Variants in GTF2A1L observed in about 807,000 individuals in gnomAD.
The protein encoded by GTF2A1L is general transcription factor IIA subunit 1 like.
A neutral mutation model predicts 49.7 loss-of-function variants in GTF2A1L; 48 were observed. The ratio of observed to expected loss-of-function variants is 0.97; its 90% CI spans 0.77 to 1.23. The LOEUF (loss-of-function observed/expected upper bound fraction) is 1.23, where lower values mean the gene tolerates loss of function less well. Ranked by LOEUF, GTF2A1L falls within the 50% of genes most tolerant of loss-of-function variation. GTF2A1L has a pLI of 0.00. For synonymous variants in GTF2A1L, 246 were observed against 193.5 expected (o/e 1.27, Z -2.25); for missense variants, 736 against 564.8 (o/e 1.30, Z -3.07).
chr2:48,669,816 A>G lies in GTF2A1L; in HGVS notation c.1073A>G (p.Asn358Ser), dbSNP rs375208707. The G allele has an allele frequency of 9.5e-5, 154 of 1,613,984 alleles. 1 individual carries two copies. The highest frequency in any genetic ancestry group is 1.5e-4 in the South Asian group (14 of 91,086). ...QVDGSGDTSS[N>S]EEIGSTRDAD... Reference sequence around the variant, plus strand: ...GATGGAAGCGGTGATACATCTTCCAATGAAGAAATAGGAAGTACAAGAGAT... The same window carrying G: ...GATGGAAGCGGTGATACATCTTCCAGTGAAGAAATAGGAAGTACAAGAGAT... The change falls in exon 7 of 9, where the codon AAT (asparagine) becomes AGT (serine). Residue 358 changes from asparagine (N) to serine (S), a missense_variant. Asn to Ser is a conservative substitution (Grantham distance 46). Coordinates refer to ENST00000403751, the MANE Select transcript of GTF2A1L (RefSeq NM_006872.5).
At chr2:48,656,608 T>C (rs1010843534) in intron 6 of GTF2A1L, among the ~76,000 whole-genome samples, 3 of 152,114 alleles carry the variant, frequency 2.0e-5, no homozygotes, top group African/African-American at 7.2e-5. Flanking sequence ...TCTTATCAGA[T>C]GTATGATTTG....
rs952052953 is a variant in GTF2A1L, at chr2:48,679,498, T to C, written c.*56T>C. On this transcript the variant is annotated 3_prime_UTR_variant, in exon 9 of 9. Coordinates refer to ENST00000403751, the MANE Select transcript of GTF2A1L (RefSeq NM_006872.5). The stretch of plus-strand genomic sequence containing the variant: ...AACATCAGTTGGATTATATTGCATA[T>C]TGTGAATTCATTTTTATTTTGAATA... 15 of 1,595,370 alleles carry C rather than the reference T, an allele frequency of 9.4e-6. No homozygotes were observed. Among genetic ancestry groups the C allele is most frequent in the Non-Finnish European group, 1.2e-5 (14 of 1,174,210 alleles).
intron 8 of GTF2A1L, among the ~76,000 whole-genome samples, chr2:48,672,231 C>G (rs1417030315): frequency 6.6e-6 from 1 of 152,086 alleles, no homozygotes. Flanking sequence ...CAATAAAAAG[C>G]AGAGAAATGA....
chr2:48,625,686 G>A (rs1676253141), intron 3 of GTF2A1L, among the ~76,000 whole-genome samples: 1 of 142,712 alleles, frequency 7.0e-6, no homozygotes. Flanking sequence ...AGGGTCAATT[G>A]ATCCTCTCAC....
chr2:48,655,609 T>A (rs34473191), intron 6 of GTF2A1L, among the ~76,000 whole-genome samples: 20,642 of 152,216 alleles, frequency 0.14, 1,647 homozygotes, highest in African/African-American at 0.23. Context: ...AGTACTTTGA[T>A]CAGTTTTGCC....
chr2:48,641,364 C>T (rs937589519), intron 3 of GTF2A1L, among the ~76,000 whole-genome samples: 2 of 152,160 alleles, frequency 1.3e-5, no homozygotes, highest in East Asian at 3.9e-4. Flanking sequence ...GTTGTCTTAA[C>T]GTGGAAGGAA....
intron 8 of GTF2A1L, among the ~76,000 whole-genome samples, chr2:48,672,067 G>C (rs1558774132): frequency 6.6e-6 from 1 of 152,218 alleles, no homozygotes; most frequent in Non-Finnish European, 1.5e-5. Flanking sequence ...ATGCAGCACA[G>C]ATAGTAAGCC....
intron 1 of GTF2A1L, among the ~76,000 whole-genome samples, chr2:48,619,685 G>T (rs17037467): frequency 1.3e-5 from 2 of 152,018 alleles, no homozygotes; most frequent in African/African-American, 4.8e-5. Flanking sequence ...GTTTCTTGCC[G>T]GTGGAACTTC....
chr2:48,671,717 C>G (rs1679180357), intron 8 of GTF2A1L, 37 bp downstream of exon 8: 1 of 1,563,528 alleles, frequency 6.4e-7, no homozygotes, highest in Non-Finnish European at 8.7e-7. Flanking sequence ...GGTTTATTAA[C>G]TGCATTTATA....
intron 8 of GTF2A1L, among the ~76,000 whole-genome samples, chr2:48,675,076 T>A (rs1679392525): frequency 6.6e-6 from 1 of 152,184 alleles, no homozygotes; most frequent in African/African-American, 2.4e-5. Flanking sequence ...TGCTGGTCAC[T>A]GGTTGATTTG....
At chr2:48,620,790 TAAA>T (rs1675945567) in intron 1 of GTF2A1L, 58 bp from the exon 2 acceptor site, 1 of 869,478 alleles carries the variant, frequency 1.2e-6, no homozygotes, top group Non-Finnish European at 1.5e-6. Context: ...AATAAATAAA[TAAA>T]TAAATAAATA....
rs1047215315 is a variant in GTF2A1L at position 48,671,509 on chromosome 2, C to G, written c.1240-82C>G. ...ATGAGCCACCACGCCGAGACAAGTT[C>G]CTTTATTTCTATATGTCTCTTTATC... On this transcript the variant is annotated intron_variant, in intron 7 of 8. Transcript: ENST00000403751. 1.3e-4 allele frequency: 189 copies of G among 1,427,616 alleles called. No homozygotes were observed. In the Admixed American group the frequency reaches 3.7e-3, roughly 28 times the overall value. The allele number at this position is 1,427,616 out of a possible 1,614,324, so 88.4% of individuals were successfully genotyped here. A position where few individuals can be genotyped will look rare whatever the true frequency, so the allele number is the denominator to read the frequency against.
chr2:48,671,437 C>G (rs188818888), intron 7 of GTF2A1L, among the ~76,000 whole-genome samples, 154 bp from the exon 8 acceptor site: 5 of 152,254 alleles, frequency 3.3e-5, no homozygotes, highest in South Asian at 4.1e-4. Context: ...CTCCTGGCCT[C>G]AAGCAATCTG....
chr2:48,627,040 T>C (rs1433236231), intron 3 of GTF2A1L, among the ~76,000 whole-genome samples: 1 of 143,700 alleles, frequency 7.0e-6, no homozygotes, highest in Non-Finnish European at 1.6e-5. Context: ...AATTCAGCCA[T>C]GAAGCCATCT....
chr2:48,659,844 A>G (rs1440144686), intron 6 of GTF2A1L, among the ~76,000 whole-genome samples: 1 of 151,898 alleles, frequency 6.6e-6, no homozygotes, highest in Non-Finnish European at 1.5e-5. Context: ...GAATTTATTT[A>G]TTTTTCCTAA....
At chr2:48,628,314 G>C (rs1333812933) in intron 3 of GTF2A1L, among the ~76,000 whole-genome samples, 1 of 144,318 alleles carries the variant, frequency 6.9e-6, no homozygotes, top group Non-Finnish European at 1.6e-5. Flanking sequence ...GTTGTCCACA[G>C]TGGCTGAACT....
chr2:48,625,702 C>T lies in GTF2A1L; in HGVS notation c.247+4412C>T, dbSNP rs1676254423. Reference sequence around the variant, plus strand: ...GGGTCAATTGATCCTCTCACCTCGACTTCATGAGTAACTGGGACTACAGGC... The same window carrying T: ...GGGTCAATTGATCCTCTCACCTCGATTTCATGAGTAACTGGGACTACAGGC... On this transcript the variant is annotated intron_variant, in intron 3 of 8. Transcript: ENST00000403751. Among the ~76,000 whole-genome samples the T allele has an allele frequency of 1.4e-5, 2 of 143,026 alleles. 1 individual carries two copies. The highest frequency in any genetic ancestry group is 5.0e-5 in the African/African-American group (2 of 40,190). The allele number at this position is 143,026 out of a possible 152,430, so 93.8% of individuals were successfully genotyped here.
chr2:48,652,754 G>T (rs1443218118), intron 6 of GTF2A1L, among the ~76,000 whole-genome samples: 1 of 150,828 alleles, frequency 6.6e-6, no homozygotes, highest in Non-Finnish European at 1.5e-5. Context: ...GAGTGCAGTG[G>T]TGTGATCTCG....
chr2:48,631,005 G>C lies in GTF2A1L; in HGVS notation c.247+9715G>C, dbSNP rs374733835. Among the ~76,000 whole-genome samples, 7 of 152,228 alleles carry C rather than the reference G, an allele frequency of 4.6e-5. No homozygotes were observed. The South Asian group carries it at 6.2e-4, about 14-fold the overall frequency. On this transcript the variant is annotated intron_variant, in intron 3 of 8. Transcript: ENST00000403751. ...GTGGTGAGTTAACTTTTGATGAGCT[G>C]CTGGGTTCAGTTTGCTAGTATTTTG... is the stretch of plus-strand genomic sequence containing the variant.
Sources: gnomAD v4.1 joint callset for allele counts (sites outside exome capture counted in the v4.1 genomes callset) on GRCh38, gnomAD v4.1.1 for gene constraint, MANE v1.5 for transcripts, NCBI Gene and HGNC (gene_info 2026-07-23, HGNC 2026-07-21) for gene names.